Variants in CLXN observed in about 807,000 individuals in gnomAD.
CLXN encodes EF-hand calcium binding domain 1.
the CLXN span, among the ~76,000 whole-genome samples, chr8:48,712,760 G>C: frequency 6.6e-6 from 1 of 152,110 alleles, no homozygotes; most frequent in Non-Finnish European, 1.5e-5. Context: ...CAGCACATTG[G>C]GAGGCTGAGG....
At chr8:48,723,117 G>A in the CLXN span, among the ~76,000 whole-genome samples, 2 of 152,286 alleles carry the variant, frequency 1.3e-5, no homozygotes, top group East Asian at 1.9e-4. Context: ...TTATATATTT[G>A]AAATTTGCTC....
At chr8:48,734,305 T>TCTAAACCATAC in the CLXN span, among the ~76,000 whole-genome samples, 1 of 152,326 alleles carries the variant, frequency 6.6e-6, no homozygotes, top group South Asian at 2.1e-4. Context: ...GAAATTATCT[T>TCTAAACCATAC]CCTCATCTAA....
chr8:48,732,039 C>T, the CLXN span, among the ~76,000 whole-genome samples: 1 of 152,122 alleles, frequency 6.6e-6, no homozygotes, highest in African/African-American at 2.4e-5. Context: ...CAATATGGCT[C>T]TTCTTGAGGA....
chr8:48,723,548 G>A, the CLXN span: 1 of 152,178 alleles, frequency 6.6e-6, no homozygotes, highest in Non-Finnish European at 1.5e-5. Flanking sequence ...GTATTTAGAT[G>A]AGGATAGAAC....
the CLXN span, among the ~76,000 whole-genome samples, chr8:48,726,290 T>C: frequency 2.3e-5 from 3 of 133,208 alleles, no homozygotes; most frequent in Non-Finnish European, 4.6e-5. Flanking sequence ...CATCCATCCA[T>C]CCACCCACCT....
the CLXN span, among the ~76,000 whole-genome samples, chr8:48,732,322 T>C: frequency 6.6e-6 from 1 of 152,132 alleles, no homozygotes; most frequent in East Asian, 1.9e-4. Flanking sequence ...AAACTGTGAT[T>C]GAGCATTTTA....
chr8:48,729,125 G>T, the CLXN span: 1 of 1,613,372 alleles, frequency 6.2e-7, no homozygotes, highest in Non-Finnish European at 8.5e-7. Flanking sequence ...GCAAAAGACA[G>T]CTTCCCATCA....
the CLXN span, among the ~76,000 whole-genome samples, chr8:48,725,886 T>C: frequency 2.6e-5 from 4 of 152,242 alleles, no homozygotes; most frequent in African/African-American, 9.6e-5. Flanking sequence ...GGGAAGAGAT[T>C]GAAGATGTGG....
chr8:48,720,280 G>A, the CLXN span, among the ~76,000 whole-genome samples: 3 of 152,058 alleles, frequency 2.0e-5, no homozygotes, highest in East Asian at 1.9e-4. Flanking sequence ...CTGCGGGGTC[G>A]GGCAAAAAGA....
chr8:48,715,944 A>C, the CLXN span: 1 of 152,234 alleles, frequency 6.6e-6, no homozygotes, highest in African/African-American at 2.4e-5. Context: ...TGGTTTAGAG[A>C]AGCTTAGTAA....
chr8:48,727,166 C>T, the CLXN span, among the ~76,000 whole-genome samples: 1 of 144,346 alleles, frequency 6.9e-6, no homozygotes, highest in East Asian at 2.2e-4. Context: ...TCCATCCATC[C>T]ATCCACCCAC....
the CLXN span, chr8:48,731,538 C>A: frequency 5.9e-6 from 9 of 1,529,960 alleles, no homozygotes; most frequent in Admixed American, 2.0e-5. Context: ...AAAAATGAAC[C>A]CTTAATCTTT....
At chr8:48,724,235 T>C in the CLXN span, 1 of 152,190 alleles carries the variant, frequency 6.6e-6, no homozygotes. Context: ...ATGATTTCCA[T>C]GTATCTTTCA....
the CLXN span, among the ~76,000 whole-genome samples, chr8:48,719,776 G>A: frequency 3.9e-5 from 6 of 152,098 alleles, no homozygotes; most frequent in Admixed American, 2.0e-4. Context: ...CTCAACACAA[G>A]AAAGGCCATG....
chr8:48,725,802 C>T, the CLXN span, among the ~76,000 whole-genome samples: 275 of 141,662 alleles, frequency 1.9e-3, 3 homozygotes, highest in Middle Eastern at 0.024. Flanking sequence ...AAAACTCCGT[C>T]TCAAAAATAA....
chr8:48,718,508 G>T, the CLXN span, among the ~76,000 whole-genome samples: 1 of 152,036 alleles, frequency 6.6e-6, no homozygotes, highest in East Asian at 1.9e-4. Context: ...AACAACAAAA[G>T]AATACAGTCT....
At chr8:48,729,854 C>T in the CLXN span, 1 of 1,611,906 alleles carries the variant, frequency 6.2e-7, no homozygotes, top group African/African-American at 1.3e-5. Flanking sequence ...CCATTCAAAT[C>T]AAACACTTCA....
chr8:48,726,748 T>C, the CLXN span, among the ~76,000 whole-genome samples: 2 of 140,388 alleles, frequency 1.4e-5, no homozygotes, highest in Admixed American at 1.4e-4. Flanking sequence ...ACCTCACCCA[T>C]CCATCCATCC....
the CLXN span, among the ~76,000 whole-genome samples, chr8:48,726,472 TCATCCATCCATTCATCCATC>T: frequency 8.5e-6 from 1 of 117,516 alleles, no homozygotes; most frequent in Non-Finnish European, 1.8e-5. Flanking sequence ...TCAATCCATC[TCATCCATCCATTCATCCATC>T]CATCCATCCA....
Sources: gnomAD v4.1 joint callset for allele counts (sites outside exome capture counted in the v4.1 genomes callset) on GRCh38, gnomAD v4.1.1 for gene constraint, MANE v1.5 for transcripts, NCBI Gene and HGNC (gene_info 2026-07-23, HGNC 2026-07-21) for gene names.